The following CTNND2 variants were observed in gnomAD, a reference collection of about 807,000 sequenced individuals.
The protein encoded by CTNND2 is catenin delta-2.
CTNND2 carries 22 observed loss-of-function variants against 144.4 expected under a neutral mutation model. The observed-to-expected ratio is 0.15, with a 90% confidence interval of 0.11 to 0.22. CTNND2 has a LOEUF of 0.22. Ranked by LOEUF, CTNND2 falls within the 10% of genes least tolerant of loss-of-function variation. The pLI, the probability that CTNND2 is intolerant of heterozygous loss-of-function variation, is 1.00. For missense variants in CTNND2, 1,353 were observed against 1,618.8 expected (o/e 0.84, Z 2.82); for synonymous variants, 751 against 695.6 (o/e 1.08, Z -1.25).
chr5:11,429,641 C>T (rs980762695), intron 3 of CTNND2, among the ~76,000 whole-genome samples: 3 of 152,112 alleles, frequency 2.0e-5, no homozygotes, highest in Non-Finnish European at 4.4e-5. Context: ...CCTCTTGGAC[C>T]CATTTCTAAG....
chr5:11,486,463 C>T (rs1768840678), intron 3 of CTNND2, among the ~76,000 whole-genome samples: 1 of 152,136 alleles, frequency 6.6e-6, no homozygotes. Context: ...AATCAATTTG[C>T]CAGTAACTAT....
intron 2 of CTNND2, among the ~76,000 whole-genome samples, chr5:11,719,276 TCTC>T (rs1364930438): frequency 1.3e-5 from 2 of 152,128 alleles, no homozygotes; most frequent in African/African-American, 4.8e-5. Context: ...ATGGCATACT[TCTC>T]CTTCAGAAGC....
Position 11,840,182 on chromosome 5 carries a change from C to A in CTNND2, c.37+63635G>T, listed in dbSNP as rs184826896. On this transcript the variant is annotated intron_variant, in intron 1 of 21. Coordinates refer to ENST00000304623, the MANE Select transcript of CTNND2 (RefSeq NM_001332.4). ...ACCTATAAACATAGAAAAACCCACA[C>A]ACAACCTATAAAAATAGAAAAACCC... Among the ~76,000 whole-genome samples the A allele has an allele frequency of 5.7e-4, 87 of 152,230 alleles. 2 individuals carry two copies. In the South Asian group the frequency reaches 0.012, roughly 21 times the overall value.
intron 1 of CTNND2, among the ~76,000 whole-genome samples, chr5:11,767,827 T>A (rs1301161638): frequency 6.6e-6 from 1 of 152,214 alleles, no homozygotes; most frequent in Non-Finnish European, 1.5e-5. Context: ...TTCATCGCTG[T>A]TCCCCCTGGC....
At chr5:11,145,121 G>A (rs1283885128) in intron 12 of CTNND2, among the ~76,000 whole-genome samples, 8 of 151,878 alleles carry the variant, frequency 5.3e-5, no homozygotes, top group Admixed American at 1.3e-4. Flanking sequence ...GATAAACAAC[G>A]TACACATTTT....
At chr5:11,129,209 TTA>T (rs1260729940) in intron 12 of CTNND2, among the ~76,000 whole-genome samples, 1 of 27,478 alleles carries the variant, frequency 3.6e-5, no homozygotes, top group Non-Finnish European at 7.1e-5. Flanking sequence ...TATTATATAT[TTA>T]TATATTATAT....
intron 3 of CTNND2, among the ~76,000 whole-genome samples, chr5:11,436,369 G>A (rs182065307): frequency 6.6e-6 from 1 of 152,236 alleles, no homozygotes; most frequent in African/African-American, 2.4e-5. Context: ...TCTCAATGAG[G>A]AAGAACCTTC....
intron 9 of CTNND2, among the ~76,000 whole-genome samples, chr5:11,273,710 C>T (rs1206129440): frequency 1.3e-5 from 2 of 152,128 alleles, no homozygotes; most frequent in East Asian, 1.9e-4. Context: ...TGACACTTAT[C>T]GCCCAGATAA....
intron 1 of CTNND2, among the ~76,000 whole-genome samples, chr5:11,842,087 T>C (rs1374744584): frequency 1.3e-5 from 2 of 151,940 alleles, no homozygotes; most frequent in African/African-American, 4.8e-5. Context: ...AGATGTAATT[T>C]GCTGAATTAT....
At chr5:11,711,707 A>C (rs1361966105) in intron 2 of CTNND2, among the ~76,000 whole-genome samples, 3 of 152,106 alleles carry the variant, frequency 2.0e-5, no homozygotes, top group Non-Finnish European at 2.9e-5. Context: ...TATTTACAAC[A>C]CTCCTAGTTA....
intron 1 of CTNND2, among the ~76,000 whole-genome samples, chr5:11,871,414 G>A (rs560207892): frequency 6.6e-5 from 10 of 152,262 alleles, no homozygotes; most frequent in Non-Finnish European, 1.5e-4. Context: ...TTATTAGGGG[G>A]ATTCAGGGAG....
At chr5:11,199,742 T>G (rs1197135593) in intron 10 of CTNND2, 81 bp from the exon 11 acceptor site, 1 of 1,028,806 alleles carries the variant, frequency 9.7e-7, no homozygotes, top group African/African-American at 1.6e-5. Flanking sequence ...TCATATAAAG[T>G]ATCTGCTAAC....
At chr5:11,501,204 A>G (rs1185353580) in intron 3 of CTNND2, among the ~76,000 whole-genome samples, 2 of 152,244 alleles carry the variant, frequency 1.3e-5, no homozygotes, top group Admixed American at 6.5e-5. Context: ...AAAAAGGCAC[A>G]GTTGTTGTCC....
At chr5:11,704,239 G>A (rs1785590155) in intron 2 of CTNND2, among the ~76,000 whole-genome samples, 1 of 152,256 alleles carries the variant, frequency 6.6e-6, no homozygotes, top group Non-Finnish European at 1.5e-5. Context: ...TGTGAAGACA[G>A]CTCAGACTTC....
chr5:11,186,380 G>C (rs529058334), intron 11 of CTNND2, among the ~76,000 whole-genome samples: 42 of 152,308 alleles, frequency 2.8e-4, no homozygotes, highest in African/African-American at 9.9e-4. Flanking sequence ...ACTGCTGGCT[G>C]TAAGTCAGAG....
intron 1 of CTNND2, among the ~76,000 whole-genome samples, chr5:11,890,351 G>C (rs556443062): frequency 2.7e-4 from 41 of 152,290 alleles, no homozygotes; most frequent in Admixed American, 2.6e-3. Flanking sequence ...AAGACAACCT[G>C]CTCTCTCTGA....
At chr5:11,298,104 C>G (rs913373740) in intron 9 of CTNND2, among the ~76,000 whole-genome samples, 1 of 152,140 alleles carries the variant, frequency 6.6e-6, no homozygotes, top group Admixed American at 6.5e-5. Context: ...TAAAACTTTA[C>G]GCCCTATGAA....
intron 5 of CTNND2, among the ~76,000 whole-genome samples, chr5:11,398,069 G>A (rs142097685): frequency 1.1e-3 from 172 of 152,220 alleles, no homozygotes; most frequent in African/African-American, 4.0e-3. Flanking sequence ...TCCATTGTGT[G>A]TGTTTGAGAG....
In CTNND2 at chr5:11,739,793, C is replaced by T. The variant is rs527535323; in HGVS notation, c.38-7521G>A. On this transcript the variant is annotated intron_variant, in intron 1 of 21. Coordinates refer to ENST00000304623, the MANE Select transcript of CTNND2 (RefSeq NM_001332.4). ...TAGCATGATTGTATACTTAGAAAAC[C>T]CCATCGTCTCAGCCCAAAATCTCCT... Among the ~76,000 whole-genome samples the T allele has an allele frequency of 3.4e-4, 52 of 152,192 alleles. No homozygotes were observed. In the South Asian group the frequency reaches 5.8e-3, roughly 17 times the overall value.
Sources: gnomAD v4.1 joint callset for allele counts (sites outside exome capture counted in the v4.1 genomes callset) on GRCh38, gnomAD v4.1.1 for gene constraint, MANE v1.5 for transcripts, NCBI Gene and HGNC (gene_info 2026-07-23, HGNC 2026-07-21) for gene names.